CCR5AS: variants seen among roughly 807,000 people sequenced by gnomAD.
The protein encoded by CCR5AS is CCR5 antisense RNA.
At position 46,386,575 on chromosome 3, in the gene CCR5AS, G is replaced by T. The variant is rs530217070; in HGVS notation, n.391+6250C>A. 3.3e-5 allele frequency among the ~76,000 whole-genome samples: 5 copies of T among 151,582 alleles called. No individual in the cohort carries two copies. In the South Asian group the frequency reaches 1.0e-3, roughly 31 times the overall value. On this transcript the variant is annotated intron_variant and non_coding_transcript_variant, in intron 2 of 3. Coordinates refer to ENST00000451485, the Ensembl canonical transcript of CCR5AS. ...ATCCAGAATATAGAAAGTTCTACAG[G>T]AAAAGGTGGGGCCAAGGTGGGACAG...
chr3:46,396,233 G>A (rs1701960903), intron 1 of CCR5AS, among the ~76,000 whole-genome samples: 1 of 152,166 alleles, frequency 6.6e-6, no homozygotes, highest in Admixed American at 6.5e-5. Flanking sequence ...TATCAGACCA[G>A]TGTCTGCCCA....
exon 4 of CCR5AS, chr3:46,364,887 T>C (rs1193925832): frequency 1.3e-5 from 2 of 152,268 alleles, no homozygotes; most frequent in African/African-American, 2.4e-5. Flanking sequence ...GCTGTAGATG[T>C]GGTGGAAACA....
chr3:46,397,139 C>T (rs746166243), intron 1 of CCR5AS, among the ~76,000 whole-genome samples: 5 of 151,992 alleles, frequency 3.3e-5, no homozygotes, highest in Non-Finnish European at 5.9e-5. Flanking sequence ...TAACACCTAC[C>T]CTGGGAATCC....
chr3:46,376,024 A>T (rs1193667997), intron 2 of CCR5AS: 1 of 167,074 alleles, frequency 6.0e-6, no homozygotes, highest in Non-Finnish European at 1.5e-5. Flanking sequence ...GGAAGCAACG[A>T]AGGGAAATGT....
At position 46,365,411 on chromosome 3, in the gene CCR5AS, T is replaced by G. The variant is rs142945774; in HGVS notation, n.566-366A>C. Among the ~76,000 whole-genome samples the G allele has an allele frequency of 4.5e-3, 678 of 152,356 alleles. 5 individuals are homozygous for G. Among genetic ancestry groups the G allele is most frequent in the African/African-American group, 0.015 (643 of 41,590 alleles). On this transcript the variant is annotated intron_variant and non_coding_transcript_variant, in intron 3 of 3. Transcript: ENST00000451485. Reference sequence around the variant, plus strand: ...TTTTTAGCAATACAATATTTTTAATTAAGGTATGCACATTGGTTTTTCTGA... The same window carrying G: ...TTTTTAGCAATACAATATTTTTAATGAAGGTATGCACATTGGTTTTTCTGA...
At chr3:46,366,552 C>G (rs1021258183) in intron 3 of CCR5AS, among the ~76,000 whole-genome samples, 2 of 152,234 alleles carry the variant, frequency 1.3e-5, no homozygotes, top group African/African-American at 4.8e-5. Flanking sequence ...ATGAGGTAGA[C>G]AGCCTGCACA....
chr3:46,382,981 T>C (rs995422172), intron 2 of CCR5AS, among the ~76,000 whole-genome samples: 1 of 152,222 alleles, frequency 6.6e-6, no homozygotes, highest in Non-Finnish European at 1.5e-5. Context: ...ACACAGTGCC[T>C]GGCACATAAA....
At chr3:46,378,852 A>G (rs1701786494) in intron 2 of CCR5AS, among the ~76,000 whole-genome samples, 1 of 152,170 alleles carries the variant, frequency 6.6e-6, no homozygotes, top group Non-Finnish European at 1.5e-5. Context: ...TTGCAACAAG[A>G]TCAGAAAATG....
chr3:46,381,005 G>T (rs554755770), intron 2 of CCR5AS, among the ~76,000 whole-genome samples: 1 of 152,260 alleles, frequency 6.6e-6, no homozygotes, highest in African/African-American at 2.4e-5. Context: ...CCCCAAGCTG[G>T]TTTTTTTAAA....
At chr3:46,381,985 G>A (rs575017301) in intron 2 of CCR5AS, among the ~76,000 whole-genome samples, 16 of 152,308 alleles carry the variant, frequency 1.1e-4, no homozygotes, top group Admixed American at 3.3e-4. Flanking sequence ...GAGAGTCCTC[G>A]GTAAGATTTG....
chr3:46,391,179 A>AG (rs1701908335), intron 2 of CCR5AS, among the ~76,000 whole-genome samples: 1 of 152,232 alleles, frequency 6.6e-6, no homozygotes, highest in South Asian at 2.1e-4. Context: ...CCCAGTGGCC[A>AG]GATTTCCGGC....
intron 2 of CCR5AS, among the ~76,000 whole-genome samples, chr3:46,382,547 G>A (rs1164243664): frequency 6.6e-6 from 1 of 152,172 alleles, no homozygotes; most frequent in African/African-American, 2.4e-5. Flanking sequence ...TACAAATGAT[G>A]CTGCTTCATT....
At chr3:46,375,927 C>T (rs1701750675) in intron 2 of CCR5AS, 1 of 166,960 alleles carries the variant, frequency 6.0e-6, no homozygotes, top group African/African-American at 2.4e-5. Context: ...GAGAACTACT[C>T]AGGGAATGAA....
chr3:46,384,819 T>C (rs1489579128), intron 2 of CCR5AS, among the ~76,000 whole-genome samples: 3 of 151,906 alleles, frequency 2.0e-5, no homozygotes, highest in Non-Finnish European at 4.4e-5. Flanking sequence ...TTGAGATAGA[T>C]GATAGATAGG....
In CCR5AS at chr3:46,384,288, C is replaced by T. The variant is rs184298670; in HGVS notation, n.391+8537G>A. On this transcript the variant is annotated intron_variant and non_coding_transcript_variant, in intron 2 of 3. Coordinates refer to ENST00000451485, the Ensembl canonical transcript of CCR5AS. Reference sequence around the variant, plus strand: ...CCATCCTAATCTTTTATTACGCAGACGGGGTCTATACCTGGCTGGTGCCAT... The same window carrying T: ...CCATCCTAATCTTTTATTACGCAGATGGGGTCTATACCTGGCTGGTGCCAT... 2.8e-4 allele frequency among the ~76,000 whole-genome samples: 42 copies of T among 152,270 alleles called. No homozygotes were observed. In the East Asian group the frequency reaches 4.2e-3, roughly 15 times the overall value.
chr3:46,393,704 G>A (rs1296551894), intron 1 of CCR5AS, among the ~76,000 whole-genome samples: 1 of 152,204 alleles, frequency 6.6e-6, no homozygotes, highest in East Asian at 1.9e-4. Flanking sequence ...AGGAGCCAGA[G>A]AGGTCAAGAG....
In CCR5AS at chr3:46,374,073, C is replaced by G. The variant is rs146080174; in HGVS notation, n.392-2656G>C. On this transcript the variant is annotated intron_variant and non_coding_transcript_variant, in intron 2 of 3. Coordinates refer to ENST00000451485, the Ensembl canonical transcript of CCR5AS. ...AGAGGTCTTTTTTAAAAGGAAGTTA[C>G]TGTTATAGAGGGTCTAAGATTCATC... The G allele has an allele frequency of 5.2e-4, 356 of 689,786 alleles. 3 individuals carry two copies. In the East Asian group the frequency reaches 8.8e-3, roughly 17 times the overall value. 42.7% of individuals were successfully genotyped at this position (689,786 alleles called of 1,614,324 possible).
intron 1 of CCR5AS, among the ~76,000 whole-genome samples, chr3:46,404,863 T>C (rs760109158): frequency 9.2e-5 from 14 of 152,208 alleles, no homozygotes; most frequent in Non-Finnish European, 5.9e-5. Flanking sequence ...CTAGAAATAC[T>C]TGCTGAATAA....
At chr3:46,373,677 A>G (rs910924386) in intron 2 of CCR5AS, 1 of 1,614,074 alleles carries the variant, frequency 6.2e-7, no homozygotes, top group Non-Finnish European at 8.5e-7. Flanking sequence ...TCTCCTGAAC[A>G]CCTTCCAGGA....
Sources: gnomAD v4.1 joint callset for allele counts (sites outside exome capture counted in the v4.1 genomes callset) on GRCh38, gnomAD v4.1.1 for gene constraint, MANE v1.5 for transcripts, NCBI Gene and HGNC (gene_info 2026-07-23, HGNC 2026-07-21) for gene names.